GPHN: variants seen among roughly 807,000 people sequenced by gnomAD.
GPHN encodes the protein gephyrin.
A neutral mutation model predicts 95.5 loss-of-function variants in GPHN; 17 were observed. The ratio of observed to expected loss-of-function variants is 0.18; its 90% CI spans 0.12 to 0.27. GPHN has a LOEUF of 0.27. Ranked by LOEUF, GPHN falls within the 10% of genes least tolerant of loss-of-function variation. The pLI is 1.00. For missense variants in GPHN, 660 were observed against 978.1 expected (o/e 0.67, Z 4.34); for synonymous variants, 320 against 322.5 (o/e 0.99, Z 0.08).
At chr14:67,379,657 T>C in the GPHN span, among the ~76,000 whole-genome samples, 2 of 133,806 alleles carry the variant, frequency 1.5e-5, no homozygotes, top group Non-Finnish European at 3.1e-5. Flanking sequence ...TCTTTTTCTT[T>C]TTTTTTTTTT....
At chr14:66,561,406 A>C (rs1056858431) in intron 1 of GPHN, among the ~76,000 whole-genome samples, 11 of 152,222 alleles carry the variant, frequency 7.2e-5, no homozygotes, top group African/African-American at 2.6e-4. Context: ...GATTATTGCC[A>C]CAATTTCAGA....
intron 1 of GPHN, among the ~76,000 whole-genome samples, chr14:66,511,662 T>C (rs1594773411): frequency 6.6e-6 from 1 of 152,090 alleles, no homozygotes; most frequent in African/African-American, 2.4e-5. Context: ...TTGGCAAATT[T>C]AGTACATAGT....
At chr14:67,720,192 C>A in the GPHN span, among the ~76,000 whole-genome samples, 2 of 152,168 alleles carry the variant, frequency 1.3e-5, no homozygotes. Flanking sequence ...TGAAGAGCCA[C>A]TTGTATTTCC....
At chr14:67,321,330 A>C in the GPHN span, 2 of 1,493,422 alleles carry the variant, frequency 1.3e-6, no homozygotes, top group Non-Finnish European at 1.9e-6. Context: ...AGTGGAAGCT[A>C]TATTTTGGTC....
chr14:67,645,604 C>A, the GPHN span: 1 of 1,592,138 alleles, frequency 6.3e-7, no homozygotes, highest in South Asian at 1.1e-5. Flanking sequence ...TCATGTTTGC[C>A]AAGCAGAGGG....
At chr14:67,220,286 G>A in the GPHN span, among the ~76,000 whole-genome samples, 1 of 151,920 alleles carries the variant, frequency 6.6e-6, no homozygotes, top group African/African-American at 2.4e-5. Flanking sequence ...AAAGAAAAAA[G>A]AAAAAAGTTA....
intron 1 of GPHN, among the ~76,000 whole-genome samples, chr14:66,577,871 C>T (rs1218583412): frequency 6.6e-6 from 1 of 151,936 alleles, no homozygotes; most frequent in African/African-American, 2.4e-5. Flanking sequence ...CTTCTATTTC[C>T]CAGTATCATA....
intron 8 of GPHN, among the ~76,000 whole-genome samples, chr14:66,938,077 G>T (rs2067221527): frequency 6.6e-6 from 1 of 152,240 alleles, no homozygotes; most frequent in Non-Finnish European, 1.5e-5. Flanking sequence ...CTTCAAAGTG[G>T]TAGTGATATT....
At chr14:67,198,170 G>T in the GPHN span, 1 of 1,610,094 alleles carries the variant, frequency 6.2e-7, no homozygotes, top group Non-Finnish European at 8.5e-7. Flanking sequence ...CAATGAAGAA[G>T]AACACCAGCA....
the GPHN span, among the ~76,000 whole-genome samples, chr14:67,639,476 CT>C: frequency 6.6e-6 from 1 of 152,002 alleles, no homozygotes; most frequent in Non-Finnish European, 1.5e-5. Flanking sequence ...GATTATAAAT[CT>C]TTTATAATTG....
chr14:67,208,847 A>G, the GPHN span, among the ~76,000 whole-genome samples: 2 of 151,620 alleles, frequency 1.3e-5, no homozygotes, highest in Non-Finnish European at 2.9e-5. Context: ...CAGTGAGCCA[A>G]GATCACGCTA....
At chr14:66,889,873 A>G (rs2064383367) in intron 5 of GPHN, among the ~76,000 whole-genome samples, 1 of 152,054 alleles carries the variant, frequency 6.6e-6, no homozygotes, top group African/African-American at 2.4e-5. Flanking sequence ...TTTTAGCTAG[A>G]TAGACTAAGA....
At chr14:67,626,026 G>A in the GPHN span, among the ~76,000 whole-genome samples, 1 of 152,102 alleles carries the variant, frequency 6.6e-6, no homozygotes, top group Non-Finnish European at 1.5e-5. Context: ...GGCTGAGGCG[G>A]GCAGATCATT....
chr14:67,545,117 A>G, the GPHN span, among the ~76,000 whole-genome samples: 1 of 152,190 alleles, frequency 6.6e-6, no homozygotes, highest in African/African-American at 2.4e-5. Flanking sequence ...GACATAAGCA[A>G]TCAAGCTCTA....
the GPHN span, chr14:67,581,896 CTG>C: frequency 1.6e-6 from 1 of 618,644 alleles, no homozygotes; most frequent in Non-Finnish European, 2.8e-6. Context: ...GACCCTGCAT[CTG>C]CTCTGTGTCA....
chr14:67,316,277 C>T, the GPHN span, among the ~76,000 whole-genome samples: 79 of 152,086 alleles, frequency 5.2e-4, no homozygotes, highest in African/African-American at 1.8e-3. Context: ...AGGAAAAGCA[C>T]GTTTTCCATT....
chr14:66,938,292 T>C (rs2067231857), intron 8 of GPHN, among the ~76,000 whole-genome samples: 1 of 152,338 alleles, frequency 6.6e-6, no homozygotes, highest in East Asian at 1.9e-4. Context: ...ATGTTTCATA[T>C]TAGTTTAAGA....
the GPHN span, among the ~76,000 whole-genome samples, chr14:67,715,690 A>G: frequency 5.9e-5 from 9 of 152,312 alleles, no homozygotes; most frequent in African/African-American, 2.2e-4. Context: ...CTCACCATTT[A>G]CTTCTATTGG....
chr14:67,497,374 C>T, the GPHN span, among the ~76,000 whole-genome samples: 1 of 152,034 alleles, frequency 6.6e-6, no homozygotes, highest in East Asian at 1.9e-4. Flanking sequence ...TAGCGCAGGC[C>T]GAGAACGCAG....
Sources: allele counts gnomAD v4.1 joint callset (sites outside exome capture counted in the v4.1 genomes callset), GRCh38; gene constraint gnomAD v4.1.1; transcripts MANE v1.5; gene names NCBI Gene and HGNC (gene_info 2026-07-23, HGNC 2026-07-21).